Variants in ATG7 observed in about 807,000 individuals in gnomAD.
The protein encoded by ATG7 is autophagy related 7, also known as ubiquitin-like modifier-activating enzyme ATG7.
ATG7 carries 70 observed loss-of-function variants against 82.4 expected under a neutral mutation model. The observed-to-expected ratio is 0.85, with a 90% CI of 0.70 to 1.04. The LOEUF is 1.04. Among genes scored for constraint, ATG7 ranks in the 50% least tolerant of loss-of-function variants. The probability of loss-of-function intolerance (pLI) is 0.00; values close to 1 mark genes in which losing one functional copy is unlikely to be tolerated. For missense variants in ATG7, 792 were observed against 864.3 expected (o/e 0.92, Z 1.05); for synonymous variants, 287 against 313.0 (o/e 0.92, Z 0.88).
At chr3:11,485,005 C>T (rs1349237010) in intron 20 of ATG7, among the ~76,000 whole-genome samples, 20 of 152,090 alleles carry the variant, frequency 1.3e-4, no homozygotes, top group African/African-American at 3.4e-4. Context: ...AATAAACATA[C>T]GTGTGCATGT....
rs111691175 is a variant in ATG7, at chr3:11,537,557, T to A, written c.2080-17254T>A. On this transcript the variant is annotated intron_variant, in intron 20 of 20. Transcript: ENST00000693202. ...TTCCTTCCTGATTTCTTAGTCTCAG[T>A]TCCCATTTTCTCTCAAAGATCCAGG... Among the ~76,000 whole-genome samples, 965 of 152,318 alleles carry A rather than the reference T, an allele frequency of 6.3e-3. 9 individuals carry two copies. Among genetic ancestry groups the A allele is most frequent in the African/African-American group, 0.022 (896 of 41,566 alleles).
chr3:11,513,143 C>T (rs1488917358), intron 20 of ATG7, among the ~76,000 whole-genome samples: 1 of 152,250 alleles, frequency 6.6e-6, no homozygotes, highest in Non-Finnish European at 1.5e-5. Flanking sequence ...CATAAAGGTT[C>T]TCCAAGTCCC....
At chr3:11,333,653 T>A (rs1390495159) in intron 11 of ATG7, among the ~76,000 whole-genome samples, 2 of 151,950 alleles carry the variant, frequency 1.3e-5, no homozygotes. Context: ...TGTATATATA[T>A]ATACACATAT....
chr3:11,467,125 A>G (rs951016729), intron 20 of ATG7, among the ~76,000 whole-genome samples: 23 of 92,318 alleles, frequency 2.5e-4, no homozygotes. Context: ...ACCCCATCTC[A>G]GAAAAAAACA....
At chr3:11,497,191 C>T (rs1400359597) in intron 20 of ATG7, among the ~76,000 whole-genome samples, 2 of 150,966 alleles carry the variant, frequency 1.3e-5, no homozygotes, top group Non-Finnish European at 2.9e-5. Flanking sequence ...GTATATTTCT[C>T]ATGTTTGTAA....
At chr3:11,310,130 A>T (rs1235863172) in intron 7 of ATG7, among the ~76,000 whole-genome samples, 1 of 151,704 alleles carries the variant, frequency 6.6e-6, no homozygotes, top group Non-Finnish European at 1.5e-5. Context: ...GCACCACTGC[A>T]CTCCAGCCTG....
the ATG7 span, among the ~76,000 whole-genome samples, chr3:11,566,199 CACACACACTGAATGTT>C: frequency 6.6e-6 from 1 of 152,068 alleles, no homozygotes; most frequent in African/African-American, 2.4e-5. Flanking sequence ...CAGAATGTTA[CACACACACTGAATGTT>C]ACACACACGC....
chr3:11,404,258 C>T (rs921228638), intron 19 of ATG7, among the ~76,000 whole-genome samples: 1 of 151,336 alleles, frequency 6.6e-6, no homozygotes, highest in Non-Finnish European at 1.5e-5. Flanking sequence ...GCCTCAGCCT[C>T]CCGAGTAGCT....
At chr3:11,418,776 A>G (rs1353838952) in intron 19 of ATG7, among the ~76,000 whole-genome samples, 1 of 152,194 alleles carries the variant, frequency 6.6e-6, no homozygotes, top group Admixed American at 6.5e-5. Context: ...TTATAAAGAA[A>G]AGAGGTTTAA....
chr3:11,567,296 C>CA, the ATG7 span, among the ~76,000 whole-genome samples: 3 of 152,114 alleles, frequency 2.0e-5, no homozygotes, highest in African/African-American at 7.2e-5. Context: ...CCTCAGTGAG[C>CA]GCCAAGAGAA....
At chr3:11,289,894 T>C (rs1365862992) in intron 3 of ATG7, among the ~76,000 whole-genome samples, 1 of 152,166 alleles carries the variant, frequency 6.6e-6, no homozygotes, top group Non-Finnish European at 1.5e-5. Flanking sequence ...AGTTTATTTG[T>C]TCTGTTTACA....
chr3:11,307,086 T>G, intron 6 of ATG7, 26 bp downstream of exon 6: 1 of 1,589,360 alleles, frequency 6.3e-7, no homozygotes, highest in Non-Finnish European at 8.6e-7. Context: ...GTGATGTATG[T>G]GTCATATTTC....
intron 20 of ATG7, among the ~76,000 whole-genome samples, chr3:11,490,338 A>C (rs12629652): frequency 9.2e-5 from 14 of 152,034 alleles, no homozygotes; most frequent in Admixed American, 2.6e-4. Flanking sequence ...ATCTTCCTCC[A>C]TGCTTTTATT....
chr3:11,491,473 G>A (rs557552953), intron 20 of ATG7, among the ~76,000 whole-genome samples: 20 of 152,168 alleles, frequency 1.3e-4, no homozygotes, highest in Non-Finnish European at 2.4e-4. Flanking sequence ...CTCTCAACTC[G>A]TCAAAGTCAT....
intron 19 of ATG7, among the ~76,000 whole-genome samples, chr3:11,403,073 C>T (rs1430861475): frequency 6.6e-6 from 1 of 152,142 alleles, no homozygotes; most frequent in East Asian, 1.9e-4. Flanking sequence ...CACTAACATA[C>T]CATTTATAAA....
At chr3:11,368,115 G>T (rs578070482) in intron 18 of ATG7, among the ~76,000 whole-genome samples, 11 of 150,704 alleles carry the variant, frequency 7.3e-5, no homozygotes, top group Non-Finnish European at 1.6e-4. Flanking sequence ...TTCTGTAAAT[G>T]AAATCATATA....
At chr3:11,498,105 T>A (rs554670027) in intron 20 of ATG7, among the ~76,000 whole-genome samples, 1 of 152,322 alleles carries the variant, frequency 6.6e-6, no homozygotes, top group African/African-American at 2.4e-5. Context: ...TGACTCTCAA[T>A]CCAGTATTCT....
At chr3:11,480,228 G>T (rs1472691915) in intron 20 of ATG7, among the ~76,000 whole-genome samples, 2 of 152,046 alleles carry the variant, frequency 1.3e-5, no homozygotes, top group East Asian at 2.0e-4. Context: ...ACCGCACCCG[G>T]CCTGGAATCA....
At chr3:11,277,705 T>C (rs1233633607) in intron 1 of ATG7, among the ~76,000 whole-genome samples, 1 of 152,192 alleles carries the variant, frequency 6.6e-6, no homozygotes, top group Non-Finnish European at 1.5e-5. Context: ...GTGTATGTAT[T>C]GTCTTGATAA....
Sources: allele counts gnomAD v4.1 joint callset (sites outside exome capture counted in the v4.1 genomes callset), GRCh38; gene constraint gnomAD v4.1.1; transcripts MANE v1.5; gene names NCBI Gene and HGNC (gene_info 2026-07-23, HGNC 2026-07-21).